SLC2A9: variants seen among roughly 807,000 people sequenced by gnomAD.
SLC2A9 encodes solute carrier family 2 member 9.
In SLC2A9, 39 loss-of-function variants were observed where a neutral mutation model predicts 50.6. That is an observed-to-expected ratio of 0.77 (90% CI 0.60 to 1.01). SLC2A9 has a LOEUF of 1.01. Among genes scored for constraint, SLC2A9 ranks in the 50% least tolerant of loss-of-function variants. SLC2A9 has a pLI of 0.00. For synonymous variants in SLC2A9, 324 were observed against 276.9 expected, an observed-to-expected ratio of 1.17 and a Z score of -1.69; for missense variants, 686 against 677.6, an observed-to-expected ratio of 1.01 and a Z score of -0.14.
downstream of SLC2A9, among the ~76,000 whole-genome samples, chr4:9,778,425 C>G (rs1469990151): frequency 1.3e-5 from 2 of 152,136 alleles, no homozygotes; most frequent in Non-Finnish European, 2.9e-5. Flanking sequence ...CGGCCCTTTA[C>G]TTGCATTTCT....
At chr4:9,830,995 C>T (rs1726039164) in intron 11 of SLC2A9, among the ~76,000 whole-genome samples, 1 of 152,194 alleles carries the variant, frequency 6.6e-6, no homozygotes, top group Admixed American at 6.5e-5. Context: ...GGAGCATGCT[C>T]AGGGCCCTCC....
intron 10 of SLC2A9, among the ~76,000 whole-genome samples, chr4:9,872,929 T>C (rs1733694240): frequency 6.6e-6 from 1 of 152,268 alleles, no homozygotes; most frequent in African/African-American, 2.4e-5. Context: ...CATTGACTTT[T>C]GATGAATTAA....
chr4:9,879,689 A>C (rs367788933), intron 10 of SLC2A9: 2 of 984,956 alleles, frequency 2.0e-6, no homozygotes, highest in African/African-American at 3.5e-5. Context: ...GCATCTGTCC[A>C]CTCCATTTAA....
chr4:9,989,991 A>T (rs1560446813), intron 3 of SLC2A9, among the ~76,000 whole-genome samples: 1 of 151,386 alleles, frequency 6.6e-6, no homozygotes, highest in Non-Finnish European at 1.5e-5. Context: ...TGAGCTCTTC[A>T]CCCTCCCCAG....
chr4:9,913,328 TGTGAGA>T (rs1193128182), intron 7 of SLC2A9, among the ~76,000 whole-genome samples: 56 of 136,572 alleles, frequency 4.1e-4, no homozygotes, highest in East Asian at 2.3e-3. Context: ...TGTGTGTGTG[TGTGAGA>T]GAGAGAGAGA....
intron 10 of SLC2A9, among the ~76,000 whole-genome samples, chr4:9,865,727 C>T (rs531043582): frequency 1.3e-5 from 2 of 152,312 alleles, no homozygotes; most frequent in South Asian, 2.1e-4. Context: ...GTCTTTCTCT[C>T]GATGCCACAT....
At chr4:9,879,250 A>C (rs935761140) in intron 10 of SLC2A9, 1 of 985,292 alleles carries the variant, frequency 1.0e-6, no homozygotes, top group African/African-American at 1.7e-5. Flanking sequence ...AAGATGCAGT[A>C]TGAGCTGACT....
chr4:9,978,979 C>G (rs191105643), intron 5 of SLC2A9, among the ~76,000 whole-genome samples: 1 of 152,202 alleles, frequency 6.6e-6, no homozygotes. Context: ...AAACCTTCCA[C>G]TGAATGAGAA....
intron 11 of SLC2A9, among the ~76,000 whole-genome samples, chr4:9,828,471 G>A (rs973412767): frequency 2.6e-5 from 4 of 152,132 alleles, no homozygotes; most frequent in African/African-American, 4.8e-5. Context: ...TCACCTGCAG[G>A]AAAGCCAAAG....
intron 5 of SLC2A9, among the ~76,000 whole-genome samples, chr4:9,977,946 G>T (rs1033134988): frequency 6.6e-6 from 1 of 152,194 alleles, no homozygotes; most frequent in East Asian, 1.9e-4. Context: ...TAAACTTGAC[G>T]CCTCTGGGTT....
intron 10 of SLC2A9, among the ~76,000 whole-genome samples, chr4:9,886,086 A>G (rs73225831): frequency 0.12 from 18,466 of 151,760 alleles, 1,312 homozygotes; most frequent in African/African-American, 0.17. Context: ...TGGTTTTAGA[A>G]TAAGTGGCCA....
chr4:9,798,447 C>T (rs759489069), downstream of SLC2A9, among the ~76,000 whole-genome samples: 4 of 152,172 alleles, frequency 2.6e-5, no homozygotes, highest in Non-Finnish European at 5.9e-5. Context: ...TTACTTATAA[C>T]CAAATCATAG....
At chr4:10,035,810 T>C (rs1240134534) in intron 1 of SLC2A9, 1 of 152,428 alleles carries the variant, frequency 6.6e-6, no homozygotes, top group African/African-American at 2.4e-5. Context: ...TCTCTGTCTG[T>C]CTCTCTCCTG....
chr4:9,995,844 T>C (rs1302669328), intron 3 of SLC2A9: 1 of 152,218 alleles, frequency 6.6e-6, no homozygotes, highest in African/African-American at 2.4e-5. Context: ...GGCACACAGC[T>C]AGTAAGTGGA....
chr4:9,795,968 G>C (rs1177724095), downstream of SLC2A9, among the ~76,000 whole-genome samples: 3 of 152,180 alleles, frequency 2.0e-5, no homozygotes. Context: ...ACAAATCCAG[G>C]TTGTAGGTAC....
chr4:9,876,152 T>TG, intron 10 of SLC2A9, among the ~76,000 whole-genome samples: 1 of 152,158 alleles, frequency 6.6e-6, no homozygotes, highest in East Asian at 1.9e-4. Flanking sequence ...TACTTCTTAG[T>TG]GTTTATATTC....
chr4:9,987,805 G>A (rs1431068201), intron 3 of SLC2A9, among the ~76,000 whole-genome samples: 1 of 151,926 alleles, frequency 6.6e-6, no homozygotes, highest in Non-Finnish European at 1.5e-5. Context: ...TCCAACCTGG[G>A]TGACAGAGCG....
At chr4:9,995,266 T>C (rs13111638) in intron 3 of SLC2A9, among the ~76,000 whole-genome samples, 124,892 of 152,112 alleles carry the variant, frequency 0.82, 51,385 homozygotes, top group East Asian at 0.98. Flanking sequence ...AGTAGTTGTA[T>C]TTCCAGGCCC....
chr4:9,928,973 A>G (rs1745401915), intron 6 of SLC2A9, among the ~76,000 whole-genome samples: 1 of 152,246 alleles, frequency 6.6e-6, no homozygotes, highest in Admixed American at 6.5e-5. Context: ...TTCAACTCCC[A>G]AAACATTTCA....
Sources: allele counts gnomAD v4.1 joint callset (sites outside exome capture counted in the v4.1 genomes callset), GRCh38; gene constraint gnomAD v4.1.1; transcripts MANE v1.5; gene names NCBI Gene and HGNC (gene_info 2026-07-23, HGNC 2026-07-21).